Variants in SPTBN5 observed in about 807,000 individuals in gnomAD.
SPTBN5 encodes spectrin beta chain, non-erythrocytic 5.
In SPTBN5, 513 loss-of-function variants were observed where a neutral mutation model predicts 477.6. That is an observed-to-expected ratio of 1.07 (90% CI 1.00 to 1.16). The LOEUF (loss-of-function observed/expected upper bound fraction) is 1.16, where lower values mean the gene tolerates loss of function less well. Ranked by LOEUF, SPTBN5 falls within the 50% of genes most tolerant of loss-of-function variation. The pLI, the probability that SPTBN5 is intolerant of heterozygous loss-of-function variation, is 0.00. For missense variants in SPTBN5, 5,062 were observed against 4,731.8 expected (o/e 1.07, Z -2.05); for synonymous variants, 2,169 against 2,011.7 (o/e 1.08, Z -2.09).
rs186590035 is a variant in SPTBN5, at chr15:41,885,816, T to C, written c.1439A>G (p.Glu480Gly). 1.2e-3 allele frequency: 1,843 copies of C among 1,558,696 alleles called. 17 individuals are homozygous for C. The African/African-American group carries it at 0.022, about 19-fold the overall frequency. Residue 480 changes from glutamate to glycine, a missense_variant, in exon 7 of 68, where the codon GAG becomes GGG. By Grantham distance (98) the Glu-to-Gly change is moderately conservative (BLOSUM62 -2). Transcript: ENST00000320955. ...GMLEAGILPQ[E>G]GRFQALAEIA... Reference sequence around the variant, plus strand: ...CTCAGCCAGGGCCTGGAAGCGCCCCTCCTGGGGCAGGATGCCAGCCTCCAG... The same window carrying C: ...CTCAGCCAGGGCCTGGAAGCGCCCCCCCTGGGGCAGGATGCCAGCCTCCAG...
chr15:41,855,580 C>T lies in SPTBN5; in HGVS notation c.9187G>A (p.Ala3063Thr), dbSNP rs751814390. 6 of 1,611,916 alleles carry T rather than the reference C, an allele frequency of 3.7e-6. No individual in the cohort carries two copies. In the Admixed American group the frequency reaches 8.3e-5, roughly 22 times the overall value. ...GGGTTCTTCCTGCTCTCCAGGAGTG[C>T]TGCTGTCTGCTGCAGCCGCTCGATG... Reference protein sequence around the residue: ...PRIERLQQTAALLESRKNPES... With the variant: ...PRIERLQQTATLLESRKNPES... The change falls in exon 54 of 68, where the codon GCA becomes ACA. Residue 3063 changes from alanine to threonine, a missense_variant. Transcript: ENST00000320955.
At chr15:41,848,721 C>G in intron 67 of SPTBN5, 93 bp from the exon 68 acceptor site, 1 of 1,429,304 alleles carries the variant, frequency 7.0e-7, no homozygotes, top group Non-Finnish European at 9.9e-7. Flanking sequence ...CTCCCCTGGA[C>G]CAGCCAGCCT....
chr15:41,863,650 T>A (rs2066195583), intron 41 of SPTBN5, 54 bp downstream of exon 41: 1 of 1,425,534 alleles, frequency 7.0e-7, no homozygotes, highest in Admixed American at 1.7e-5. Flanking sequence ...CAGTGCCCCC[T>A]CCCCTGACTG....
intron 39 of SPTBN5, among the ~76,000 whole-genome samples, chr15:41,864,669 G>A (rs1367314268): frequency 1.3e-5 from 2 of 152,236 alleles, no homozygotes; most frequent in African/African-American, 2.4e-5. Context: ...GCAAAGGGAG[G>A]TTGTGGAATG....
Position 41,866,386 on chromosome 15 carries a change from A to G in SPTBN5, c.6588T>C (p.Ala2196=). The G allele has an allele frequency of 1.9e-6, 3 of 1,611,414 alleles. No homozygotes were observed. Among genetic ancestry groups the G allele is most frequent in the Middle Eastern group, 1.7e-4 (1 of 6,050 alleles). ...KPLLKHQAFE[A]EVQAHEEVMT... is the part of the protein sequence containing the mutation. ...TGACCTCCTCATGGGCCTGGACTTC[A>G]GCCTCAAAGGCCTGGTGTTTCAGCA... The change falls in exon 37 of 68, where the codon GCT becomes GCC. Residue 2196 remains alanine (A), a synonymous_variant. Transcript: ENST00000320955.
rs939635881 is a variant in SPTBN5, at chr15:41,862,168, C to T, written c.7510G>A (p.Glu2504Lys). ...TGCTCTTCTAACATACGCCGGGCTT[C>T]CACAGGGCTGCGAGGAGCGGGGCTC... is the stretch of plus-strand genomic sequence containing the variant. Reference protein sequence around the residue: ...DTSPAPRSPVEARRMLEEHQE... With the variant: ...DTSPAPRSPVKARRMLEEHQE... The change falls in exon 44 of 68, where the codon GAA becomes AAA. Residue 2504 changes from glutamate (E) to lysine (K), a missense_variant. Glu to Lys is a moderately conservative substitution (Grantham distance 56, BLOSUM62 1). Coordinates refer to ENST00000320955, the MANE Select transcript of SPTBN5 (RefSeq NM_016642.4). 6.2e-7 allele frequency: 1 copy of T among 1,602,910 alleles called. No homozygotes were observed. Among genetic ancestry groups the T allele is most frequent in the South Asian group, 1.1e-5 (1 of 90,032 alleles).
intron 62 of SPTBN5, 67 bp from the exon 63 acceptor site, chr15:41,851,917 C>G: frequency 1.6e-6 from 2 of 1,273,288 alleles, no homozygotes; most frequent in Non-Finnish European, 2.3e-6. Flanking sequence ...GCAAGGCACC[C>G]ACTGCCCCCA....
At chr15:41,855,097 C>A in intron 55 of SPTBN5, 121 bp from the exon 56 acceptor site, 1 of 1,427,314 alleles carries the variant, frequency 7.0e-7, no homozygotes, top group East Asian at 2.4e-5. Flanking sequence ...CTGGAACCAT[C>A]GGGATCCTCC....
chr15:41,869,835 C>T lies in SPTBN5; in HGVS notation c.5853+6G>A. On this transcript the variant is annotated splice_donor_region_variant and intron_variant, in intron 32 of 67. Coordinates refer to ENST00000320955, the MANE Select transcript of SPTBN5 (RefSeq NM_016642.4). Reference sequence around the variant, plus strand: ...CACACACCACCCAAAGGGCAGGAGCCCTCACCGCCGTGCGGAAGCGGGCCA... The same window carrying T: ...CACACACCACCCAAAGGGCAGGAGCTCTCACCGCCGTGCGGAAGCGGGCCA... The T allele has an allele frequency of 6.4e-7, 1 of 1,552,562 alleles. No individual in the cohort carries two copies. The highest frequency in any genetic ancestry group is 1.2e-5 in the South Asian group (1 of 84,840).
chr15:41,887,165 GTCTGCCTC>G lies in SPTBN5; in HGVS notation c.888+40_888+47del, dbSNP rs757098504. ...CAGGGCAGGCTTCACGCTTAGGCCT[GTCTGCCTC>G]TGGAGCCCTTGCTCACCCCACCCCT... On this transcript the variant is annotated intron_variant, in intron 6 of 67. Coordinates refer to ENST00000320955, the MANE Select transcript of SPTBN5 (RefSeq NM_016642.4). The G allele has an allele frequency of 3.3e-6, 5 of 1,517,572 alleles. No homozygotes were observed. The South Asian group carries it at 6.0e-5, about 18-fold the overall frequency. 94.0% of individuals were successfully genotyped at this position (1,517,572 alleles called of 1,614,324 possible).
chr15:41,854,664 A>G, intron 56 of SPTBN5, 118 bp downstream of exon 56: 1 of 867,052 alleles, frequency 1.2e-6, no homozygotes, highest in Non-Finnish European at 1.7e-6. Flanking sequence ...AGGCACATTC[A>G]CTTGAGGCCA....
intron 22 of SPTBN5, among the ~76,000 whole-genome samples, 186 bp downstream of exon 22, chr15:41,875,272 C>G (rs375190587): frequency 1.4e-3 from 213 of 152,350 alleles, no homozygotes; most frequent in African/African-American, 4.9e-3. Flanking sequence ...ACCCGCTGGG[C>G]ACACAGGAGA....
intron 59 of SPTBN5, 21 bp from the exon 60 acceptor site, chr15:41,853,021 T>C (rs2065824033): frequency 1.3e-6 from 2 of 1,495,490 alleles, no homozygotes; most frequent in Non-Finnish European, 1.8e-6. Flanking sequence ...GGGGCTGCTA[T>C]GGGTGACAGC....
At position 41,858,651 on chromosome 15, in the gene SPTBN5, A is replaced by T. The variant is rs561551437; in HGVS notation, c.8177T>A (p.Phe2726Tyr). 4 of 1,611,662 alleles carry T rather than the reference A, an allele frequency of 2.5e-6. No homozygotes were observed. In the South Asian group the frequency reaches 4.4e-5, roughly 18 times the overall value. ...LPAQLQKQQNFQAELDASMHQ... is the reference protein window; with the variant it reads ...LPAQLQKQQNYQAELDASMHQ... ...CATGCTCGCGTCCAGCTCCGCCTGG[A>T]AATTCTGCTGCTTCTGTAACTGTGC... Residue 2726 changes from phenylalanine (F) to tyrosine (Y), a missense_variant, in exon 49 of 68, where the codon TTC becomes TAC. Physicochemically the swap from Phe to Tyr is conservative, Grantham distance 22. Transcript: ENST00000320955.
rs767223705 is a variant in SPTBN5 at position 41,866,940 on chromosome 15, G to A, written c.6480+19C>T. ...GTGTGGTTCCAGTGGAAGGCCCTGG[G>A]CTGGGGGTGCCCTCTGACCTGGGTT... is the stretch of plus-strand genomic sequence containing the variant. On this transcript the variant is annotated intron_variant, in intron 36 of 67. Transcript: ENST00000320955. The A allele has an allele frequency of 2.6e-6, 4 of 1,561,492 alleles. No individual in the cohort carries two copies. Among genetic ancestry groups the A allele is most frequent in the Admixed American group, 1.9e-5 (1 of 53,528 alleles).
chr15:41,890,083 C>T lies in SPTBN5; in HGVS notation c.501+6G>A. On this transcript the variant is annotated splice_donor_region_variant and intron_variant, in intron 4 of 67. Transcript: ENST00000320955. ...CAGGTGCTGGGTACTGGGGACTGAG[C>T]CATACCTTGTCCAAGGAGATGTGGG... 1 of 1,597,678 alleles carries T rather than the reference C, an allele frequency of 6.3e-7. No individual in the cohort carries two copies. The highest frequency in any genetic ancestry group is 8.6e-7 in the Non-Finnish European group (1 of 1,168,482).
At position 41,881,036 on chromosome 15, in the gene SPTBN5, G is replaced by C; in HGVS notation, c.2656C>G (p.Gln886Glu). Residue 886 changes from glutamine to glutamate, a missense_variant and splice_region_variant, in exon 13 of 68, where the codon CAG (glutamine) becomes GAG (glutamate). By Grantham distance (29) the Gln-to-Glu change is conservative (BLOSUM62 2). Transcript: ENST00000320955. The stretch of plus-strand genomic sequence containing the variant: ...ATTTCTTGAAAAAGAAGTGTTACCT[G>C]TGCCAGGGCCCGCAGACTCTCATAG... ...QDYESLRALA[Q>E]LRRARLEEAM... 1 of 1,571,504 alleles carries C rather than the reference G, an allele frequency of 6.4e-7. No homozygotes were observed. The highest frequency in any genetic ancestry group is 8.6e-7 in the Non-Finnish European group (1 of 1,157,200).
Position 41,877,192 on chromosome 15 carries a change from T to G in SPTBN5, c.3635A>C (p.Lys1212Thr). The G allele has an allele frequency of 1.9e-6, 3 of 1,614,004 alleles. No homozygotes were observed. In the Admixed American group the frequency reaches 5.0e-5, roughly 27 times the overall value. ...QWLQEGLELQ[K>T]FGREVDGFTA... The stretch of plus-strand genomic sequence containing the variant: ...GAAACCATCCACTTCTCGGCCAAAC[T>G]TCTGCAGCTCCAGCCCCTCTTGCAG... Residue 1212 changes from lysine to threonine, a missense_variant, in exon 18 of 68, where the codon AAG becomes ACG. Lys to Thr is a moderately conservative substitution (Grantham distance 78). Coordinates refer to ENST00000320955, the MANE Select transcript of SPTBN5 (RefSeq NM_016642.4).
At position 41,882,656 on chromosome 15, in the gene SPTBN5, C is replaced by A; in HGVS notation, c.1975G>T (p.Gly659Ter). ...AGGGCCGCATTCCCCACCCGCTGTC[C>A]GCACTCCTTCAGCCAGGCTTCCTCC... ...EEEEAWLKEC[G>*]QRVGNAALGR... is the part of the protein sequence containing the mutation. Residue 659 changes from glycine to a stop codon, truncating the protein, a stop_gained, in exon 10 of 68, where the codon GGA becomes TGA. Coordinates refer to ENST00000320955, the MANE Select transcript of SPTBN5 (RefSeq NM_016642.4). LOFTEE classifies it high-confidence loss of function. 1 of 1,607,916 alleles carries A rather than the reference C, an allele frequency of 6.2e-7. No individual in the cohort carries two copies. The highest frequency in any genetic ancestry group is 8.5e-7 in the Non-Finnish European group (1 of 1,177,792).
Sources: gnomAD v4.1 joint callset for allele counts (sites outside exome capture counted in the v4.1 genomes callset) on GRCh38, gnomAD v4.1.1 for gene constraint, MANE v1.5 for transcripts, NCBI Gene and HGNC (gene_info 2026-07-23, HGNC 2026-07-21) for gene names.